The following BICD1 variants were observed in gnomAD, a reference collection of about 807,000 sequenced individuals.
BICD1 encodes BICD cargo adaptor 1, also known as protein bicaudal D homolog 1.
BICD1 carries 35 observed loss-of-function variants against 92.5 expected under a neutral mutation model. The ratio of observed to expected loss-of-function variants is 0.38; its 90% CI spans 0.29 to 0.50. The LOEUF is 0.50. BICD1 is among the 20% of genes least tolerant of loss of function. The pLI is 0.93. For missense variants in BICD1, 950 were observed against 1,189.8 expected, an observed-to-expected ratio of 0.80 and a Z score of 2.97; for synonymous variants, 429 against 465.1, an observed-to-expected ratio of 0.92 and a Z score of 1.00.
At chr12:32,141,968 T>C (rs945901239) in intron 1 of BICD1, among the ~76,000 whole-genome samples, 2 of 152,218 alleles carry the variant, frequency 1.3e-5, no homozygotes, top group African/African-American at 4.8e-5. Context: ...AACCATAGTC[T>C]ATTTTTTTCA....
chr12:32,334,157 A>T (rs1274695402), intron 5 of BICD1, among the ~76,000 whole-genome samples: 2 of 152,104 alleles, frequency 1.3e-5, no homozygotes, highest in African/African-American at 2.4e-5. Flanking sequence ...AATAATTGGT[A>T]AAAAAATTTT....
intron 1 of BICD1, among the ~76,000 whole-genome samples, chr12:32,132,415 C>CA (rs34771538): frequency 0.31 from 34,227 of 109,048 alleles, 5,146 homozygotes; most frequent in Non-Finnish European, 0.38. Flanking sequence ...GACTCTGTCT[C>CA]AAAAAAAAAA....
intron 2 of BICD1, among the ~76,000 whole-genome samples, chr12:32,219,044 G>A (rs193195612): frequency 6.6e-6 from 1 of 152,102 alleles, no homozygotes; most frequent in East Asian, 1.9e-4. Flanking sequence ...TGTACTATAA[G>A]CATTAACTGA....
chr12:32,293,956 A>C, intron 2 of BICD1, 38 bp from the exon 3 acceptor site: 4 of 1,580,894 alleles, frequency 2.5e-6, no homozygotes, highest in Non-Finnish European at 3.4e-6. Context: ...ATCTACAATA[A>C]GAGAGTTATA....
At chr12:32,183,879 G>T (rs1228098020) in intron 1 of BICD1, among the ~76,000 whole-genome samples, 1 of 152,170 alleles carries the variant, frequency 6.6e-6, no homozygotes, top group Non-Finnish European at 1.5e-5. Flanking sequence ...TTAGATAGAG[G>T]TTGCTAGGGG....
intron 1 of BICD1, among the ~76,000 whole-genome samples, chr12:32,121,990 A>AT (rs954706668): frequency 1.2e-4 from 18 of 151,596 alleles, no homozygotes; most frequent in African/African-American, 4.4e-4. Flanking sequence ...ATTTTTTTGT[A>AT]TTTTTTGTAG....
At chr12:32,170,722 G>T (rs1004183506) in intron 1 of BICD1, among the ~76,000 whole-genome samples, 1 of 152,198 alleles carries the variant, frequency 6.6e-6, no homozygotes, top group Non-Finnish European at 1.5e-5. Flanking sequence ...AGTTTGAAAT[G>T]ACATTAGAGA....
chr12:32,348,760 A>ATATATATATATATT, intron 8 of BICD1, among the ~76,000 whole-genome samples: 1 of 25,680 alleles, frequency 3.9e-5, no homozygotes. Flanking sequence ...ATATATATAT[A>ATATATATATATATT]TATATATATA....
chr12:32,124,256 AGG>A (rs1242091010), intron 1 of BICD1, among the ~76,000 whole-genome samples: 3 of 152,236 alleles, frequency 2.0e-5, no homozygotes, highest in Admixed American at 1.3e-4. Context: ...TACAAAAATT[AGG>A]AAGACGTGAT....
chr12:32,234,655 C>G (rs1385914511), intron 2 of BICD1, among the ~76,000 whole-genome samples: 1 of 148,842 alleles, frequency 6.7e-6, no homozygotes, highest in Non-Finnish European at 1.5e-5. Context: ...AACTAAACAC[C>G]ACTTTTTTTT....
intron 8 of BICD1, chr12:32,367,426 A>G (rs1939564769): frequency 2.5e-6 from 1 of 399,484 alleles, no homozygotes; most frequent in African/African-American, 2.0e-5. Context: ...ATCCTAATGT[A>G]CTTGAGAAAT....
At chr12:32,344,706 A>C (rs549852516) in intron 8 of BICD1, among the ~76,000 whole-genome samples, 6 of 152,256 alleles carry the variant, frequency 3.9e-5, no homozygotes, top group African/African-American at 1.4e-4. Context: ...GTGGAAGGAG[A>C]TCAGTCAATC....
At chr12:32,346,608 ATATACGTG>A (rs1565687397) in intron 8 of BICD1, among the ~76,000 whole-genome samples, 1 of 3,222 alleles carries the variant, frequency 3.1e-4, no homozygotes, top group East Asian at 0.019. Flanking sequence ...ATATATATAT[ATATACGTG>A]TATATATATA....
rs1948817100 is a variant in BICD1, at chr12:32,327,587, A to T, written c.1132A>T (p.Met378Leu). Residue 378 changes from methionine (M) to leucine (L), a missense_variant, in exon 5 of 10, where the codon ATG (methionine) becomes TTG (leucine). Met to Leu is a conservative substitution (Grantham distance 15). This residue lies in a region of BICD1 where 246 missense variants were observed against 258.4 expected (regional missense o/e 0.95). Coordinates refer to ENST00000652176, the MANE Select transcript of BICD1 (RefSeq NM_001714.4). ...VHRLTEHVNA[M>L]RGLQSSKELK... ...CCGGCTCACAGAGCACGTCAATGCC[A>T]TGAGGGGCCTGCAAAGCAGCAAGGA... The T allele has an allele frequency of 9.9e-6, 16 of 1,614,040 alleles. No individual in the cohort carries two copies. The highest frequency in any genetic ancestry group is 1.4e-5 in the Non-Finnish European group (16 of 1,180,030).
intron 2 of BICD1, among the ~76,000 whole-genome samples, chr12:32,270,403 T>C (rs1243886552): frequency 6.6e-6 from 1 of 152,324 alleles, no homozygotes; most frequent in South Asian, 2.1e-4. Context: ...TATAAAAGTT[T>C]CGTTGTTGTA....
At chr12:32,238,244 A>AT (rs58854471) in intron 2 of BICD1, among the ~76,000 whole-genome samples, 19,145 of 151,678 alleles carry the variant, frequency 0.13, 2,005 homozygotes, top group African/African-American at 0.28. Flanking sequence ...CCTAAAAAGG[A>AT]TTTTTTTTTA....
rs57048808 is a variant in BICD1 at position 32,184,064 on chromosome 12, A to G, written c.214-32183A>G. Among the ~76,000 whole-genome samples the G allele has an allele frequency of 4.5e-3, 682 of 152,214 alleles. 3 individuals carry two copies. Among genetic ancestry groups the G allele is most frequent in the African/African-American group, 0.016 (650 of 41,520 alleles). ...GCCTCTCAAACATGGCGCCATCCCTATTGCAGCCATTAGAGTCCGGCGTGG... is the reference window on the plus strand; with the variant it reads ...GCCTCTCAAACATGGCGCCATCCCTGTTGCAGCCATTAGAGTCCGGCGTGG... On this transcript the variant is annotated intron_variant, in intron 1 of 9. Coordinates refer to ENST00000652176, the MANE Select transcript of BICD1 (RefSeq NM_001714.4).
At chr12:32,213,980 C>T (rs1425535464) in intron 1 of BICD1, among the ~76,000 whole-genome samples, 1 of 152,184 alleles carries the variant, frequency 6.6e-6, no homozygotes, top group Non-Finnish European at 1.5e-5. Flanking sequence ...TTATTTCCAT[C>T]ATTCCTTCTA....
At chr12:32,369,721 C>T (rs1790463570) in intron 9 of BICD1, among the ~76,000 whole-genome samples, 1 of 150,856 alleles carries the variant, frequency 6.6e-6, no homozygotes, top group Admixed American at 6.6e-5. Flanking sequence ...GGGAGACCTC[C>T]ACCCCCGACC....
Sources: allele counts gnomAD v4.1 joint callset (sites outside exome capture counted in the v4.1 genomes callset), GRCh38; gene constraint gnomAD v4.1.1; regional missense constraint gnomAD v4.1.1; transcripts MANE v1.5; gene names NCBI Gene and HGNC (gene_info 2026-07-23, HGNC 2026-07-21).